Variants in SYNJ2 observed in about 807,000 individuals in gnomAD.
SYNJ2 encodes the protein synaptojanin 2, also known as polyphosphatidylinositol phosphatase SYNJ2.
Under a neutral mutation model 141.3 loss-of-function variants are expected in SYNJ2, and 116 were observed. The observed-to-expected ratio is 0.82, with a 90% CI of 0.71 to 0.96. The LOEUF (loss-of-function observed/expected upper bound fraction) is 0.96, where lower values mean the gene tolerates loss of function less well. Ranked by LOEUF, SYNJ2 falls within the 40% of genes least tolerant of loss-of-function variation. SYNJ2 has a pLI of 0.00. For missense variants in SYNJ2, 1,873 were observed against 1,934.8 expected, an observed-to-expected ratio of 0.97 and a Z score of 0.60; for synonymous variants, 745 against 777.7, an observed-to-expected ratio of 0.96 and a Z score of 0.70.
intron 1 of SYNJ2, among the ~76,000 whole-genome samples, chr6:158,005,527 G>T (rs1778035601): frequency 6.6e-6 from 1 of 151,334 alleles, no homozygotes; most frequent in South Asian, 2.1e-4. Flanking sequence ...CTCTTGCTGG[G>T]TCCTCCCCAC....
chr6:158,019,419 C>G (rs1401931201), intron 2 of SYNJ2, among the ~76,000 whole-genome samples: 2 of 152,178 alleles, frequency 1.3e-5, no homozygotes, highest in East Asian at 3.8e-4. Flanking sequence ...GTGTTTTTTC[C>G]CAGGGCTGTG....
At chr6:158,028,523 C>T (rs960598001) in intron 2 of SYNJ2, 2 of 580,046 alleles carry the variant, frequency 3.4e-6, no homozygotes, top group South Asian at 2.1e-5. Context: ...AACAGGCTCC[C>T]AGGGGATGCT....
At chr6:158,051,311 T>TG (rs1780551698) in intron 5 of SYNJ2, among the ~76,000 whole-genome samples, 2 of 152,050 alleles carry the variant, frequency 1.3e-5, no homozygotes, top group African/African-American at 4.8e-5. Flanking sequence ...AGCCCCTCTC[T>TG]TGGGTTTTAG....
At chr6:158,064,572 AG>A in intron 9 of SYNJ2, 28 bp from the exon 10 acceptor site, 1 of 1,609,480 alleles carries the variant, frequency 6.2e-7, no homozygotes, top group Non-Finnish European at 8.5e-7. Flanking sequence ...GGGAGAAGCC[AG>A]TGACAGCCAT....
intron 1 of SYNJ2, among the ~76,000 whole-genome samples, chr6:157,989,603 G>A (rs1261419059): frequency 2.6e-5 from 4 of 151,906 alleles, no homozygotes; most frequent in African/African-American, 7.2e-5. Context: ...CTACAAAGGC[G>A]AAACATGATC....
At chr6:158,033,939 G>A (rs1408749351) in intron 4 of SYNJ2, among the ~76,000 whole-genome samples, 3 of 152,178 alleles carry the variant, frequency 2.0e-5, no homozygotes, top group African/African-American at 7.2e-5. Flanking sequence ...TTAACTAAAC[G>A]GAATCAGGAA....
chr6:158,021,848 A>C (rs556269234), intron 2 of SYNJ2, among the ~76,000 whole-genome samples: 1 of 152,310 alleles, frequency 6.6e-6, no homozygotes, highest in East Asian at 1.9e-4. Context: ...TATTACCAAG[A>C]GAGTTGACAC....
chr6:158,039,577 G>A (rs190075273), intron 4 of SYNJ2, among the ~76,000 whole-genome samples: 5 of 152,334 alleles, frequency 3.3e-5, no homozygotes, highest in East Asian at 3.9e-4. Flanking sequence ...GGGTTGGGAC[G>A]GTGTCATGAG....
chr6:157,995,649 G>A (rs779227743), intron 1 of SYNJ2, among the ~76,000 whole-genome samples: 2 of 152,158 alleles, frequency 1.3e-5, no homozygotes, highest in Admixed American at 6.5e-5. Context: ...GGAGACAGAC[G>A]GACACATGCA....
At chr6:157,995,236 T>A (rs995867872) in intron 1 of SYNJ2, among the ~76,000 whole-genome samples, 1 of 152,214 alleles carries the variant, frequency 6.6e-6, no homozygotes, top group African/African-American at 2.4e-5. Flanking sequence ...TTGGGCAACA[T>A]CTTCTCCTTT....
At chr6:158,042,983 A>G (rs560994998) in intron 4 of SYNJ2, among the ~76,000 whole-genome samples, 2 of 152,316 alleles carry the variant, frequency 1.3e-5, no homozygotes, top group East Asian at 3.9e-4. Flanking sequence ...ACTGACTTCT[A>G]TTCATACAGG....
chr6:157,986,479 A>G (rs1254819211), intron 1 of SYNJ2, among the ~76,000 whole-genome samples: 2 of 152,074 alleles, frequency 1.3e-5, no homozygotes, highest in Non-Finnish European at 2.9e-5. Flanking sequence ...GACTACAGGC[A>G]TGCACCACCA....
chr6:158,027,074 T>C lies in SYNJ2; in HGVS notation c.215-1682T>C, dbSNP rs1779085833. On this transcript the variant is annotated intron_variant, in intron 2 of 26. Transcript: ENST00000355585. The surrounding 1 kb of genome is among the most constrained non-coding windows in gnomAD (Gnocchi z 4.6). ...ACCCCATGGCATAGCAGCAGGCCCC[T>C]GGGAGCCCTGAGCGCTCATTAAAGG... 1.0e-6 allele frequency: 1 copy of C among 985,228 alleles called. No homozygotes were observed. The highest frequency in any genetic ancestry group is 1.2e-6 in the Non-Finnish European group (1 of 829,912). The allele number at this position is 985,228 out of a possible 1,614,324, so 61.0% of individuals were successfully genotyped here. A position where few individuals can be genotyped will look rare whatever the true frequency, so the allele number is the denominator to read the frequency against.
At chr6:158,042,557 C>T (rs1780006160) in intron 4 of SYNJ2, among the ~76,000 whole-genome samples, 1 of 152,272 alleles carries the variant, frequency 6.6e-6, no homozygotes, top group South Asian at 2.1e-4. Context: ...TGCTGGCGCT[C>T]AGGATCGTAC....
intron 1 of SYNJ2, among the ~76,000 whole-genome samples, chr6:158,016,289 T>A (rs1778451865): frequency 6.6e-6 from 1 of 152,130 alleles, no homozygotes; most frequent in Admixed American, 6.5e-5. Context: ...AATTTTTGTA[T>A]TTTTAGTAGA....
At position 158,098,487 on chromosome 6, in the gene SYNJ2, A is replaced by G. The variant is rs916237100; in HGVS notation, c.*2123A>G. 2 of 151,682 alleles carry G rather than the reference A, an allele frequency of 1.3e-5. No homozygotes were observed. The highest frequency in any genetic ancestry group is 4.8e-5 in the African/African-American group (2 of 41,302). The allele number at this position is 151,682 out of a possible 1,614,324, so 9.4% of individuals were successfully genotyped here. On this transcript the variant is annotated 3_prime_UTR_variant, in exon 27 of 27. Transcript: ENST00000355585. ...CTGTCAAATTTAGTGAACAACATAG[A>G]TTGGATTTGGAGTTGGTAGTAGGTA...
intron 7 of SYNJ2, among the ~76,000 whole-genome samples, chr6:158,061,431 C>T (rs189819140): frequency 5.5e-4 from 83 of 150,538 alleles, no homozygotes; most frequent in African/African-American, 2.0e-3. Context: ...CCCATCTCTC[C>T]CCACCTTCAC....
intron 16 of SYNJ2, 53 bp downstream of exon 16, chr6:158,074,791 A>G: frequency 2.5e-6 from 4 of 1,592,960 alleles, no homozygotes; most frequent in South Asian, 1.1e-5. Context: ...ATGGAATGAC[A>G]TCTGTGAGAT....
At chr6:158,024,941 A>G (rs780257809) in intron 2 of SYNJ2, among the ~76,000 whole-genome samples, 15 of 152,224 alleles carry the variant, frequency 9.9e-5, no homozygotes, top group Middle Eastern at 3.2e-3. Flanking sequence ...TGCACAATAT[A>G]TTATTTACAG....
Sources: gnomAD v4.1 joint callset for allele counts (sites outside exome capture counted in the v4.1 genomes callset) on GRCh38, gnomAD v4.1.1 for gene constraint, Gnocchi (gnomAD v3.1) non-coding constraint, MANE v1.5 for transcripts, NCBI Gene and HGNC (gene_info 2026-07-23, HGNC 2026-07-21) for gene names.